The following LPIN1 variants were observed in gnomAD, a reference collection of about 807,000 sequenced individuals.
LPIN1 encodes lipin 1, also known as phosphatidate phosphatase LPIN1.
Under a neutral mutation model 107.5 loss-of-function variants are expected in LPIN1, and 71 were observed. That is an observed-to-expected ratio of 0.66 (90% CI 0.55 to 0.80). The LOEUF is 0.80. Ranked by LOEUF, LPIN1 falls within the 30% of genes least tolerant of loss-of-function variation. The pLI, the probability that LPIN1 is intolerant of heterozygous loss-of-function variation, is 0.00. For synonymous variants in LPIN1, 445 were observed against 452.6 expected (o/e 0.98, Z 0.21); for missense variants, 1,043 against 1,160.6 (o/e 0.90, Z 1.47).
intron 1 of LPIN1, among the ~76,000 whole-genome samples, chr2:11,751,870 C>T (rs954463539): frequency 6.6e-6 from 1 of 152,026 alleles, no homozygotes; most frequent in Non-Finnish European, 1.5e-5. Flanking sequence ...ACAAAACAAA[C>T]AAACAAAAAA....
intron 1 of LPIN1, chr2:11,713,717 C>A: frequency 1.6e-6 from 2 of 1,251,190 alleles, no homozygotes; most frequent in Non-Finnish European, 2.2e-6. Context: ...AATTCCAGAA[C>A]ATTTCTATTA....
rs967261634 is a variant in LPIN1 at position 11,826,409 on chromosome 2, T to G, written c.*1618T>G. Reference sequence around the variant, plus strand: ...ACGGATGTGCATGTGCAGATTCCCTTTTGCAGGTATTAAAAATAATTAAAA... The same window carrying G: ...ACGGATGTGCATGTGCAGATTCCCTGTTGCAGGTATTAAAAATAATTAAAA... On this transcript the variant is annotated 3_prime_UTR_variant, in exon 21 of 21. Transcript: ENST00000674199. 3.3e-5 allele frequency: 5 copies of G among 152,178 alleles called. No homozygotes were observed. The highest frequency in any genetic ancestry group is 7.4e-5 in the Non-Finnish European group (5 of 68,016). 9.4% of individuals were successfully genotyped at this position (152,178 alleles called of 1,614,324 possible).
At chr2:11,810,497 G>C (rs997790284) in intron 17 of LPIN1, among the ~76,000 whole-genome samples, 2 of 152,198 alleles carry the variant, frequency 1.3e-5, no homozygotes, top group Non-Finnish European at 2.9e-5. Context: ...CAGGAGCCAG[G>C]TTGCAGAGCG....
At chr2:11,804,392 C>A (rs1233224091) in intron 15 of LPIN1, 31 bp from the exon 16 acceptor site, 1 of 1,613,598 alleles carries the variant, frequency 6.2e-7, no homozygotes, top group Non-Finnish European at 8.5e-7. Flanking sequence ...TTCCCTCAAG[C>A]AGACAAATAC....
Position 11,778,582 on chromosome 2 carries a change from G to A in LPIN1, c.831-937G>A, listed in dbSNP as rs564964302. ...GTTTCCGAAGAATAGATAAGGTCTGGGAAAGAAGACGGCAAGGGAAACTGA... is the reference window on the plus strand; with the variant it reads ...GTTTCCGAAGAATAGATAAGGTCTGAGAAAGAAGACGGCAAGGGAAACTGA... On this transcript the variant is annotated intron_variant, in intron 6 of 20. Coordinates refer to ENST00000674199, the MANE Select transcript of LPIN1 (RefSeq NM_001349206.2). Among the ~76,000 whole-genome samples, 133 of 152,284 alleles carry A rather than the reference G, an allele frequency of 8.7e-4. 4 individuals carry two copies. The South Asian group carries it at 0.025, about 29-fold the overall frequency.
At chr2:11,744,650 A>C (rs572365984), upstream of LPIN1, among the ~76,000 whole-genome samples, 1 of 152,278 alleles carries the variant, frequency 6.6e-6, no homozygotes, top group Non-Finnish European at 1.5e-5. Context: ...GACTTATTTT[A>C]CACAAAAAAT....
At chr2:11,686,758 C>T (rs1662026111) in intron 1 of LPIN1, among the ~76,000 whole-genome samples, 1 of 152,088 alleles carries the variant, frequency 6.6e-6, no homozygotes, top group African/African-American at 2.4e-5. Flanking sequence ...CCCATGAATA[C>T]GCCCCTCACA....
Position 11,768,792 on chromosome 2 carries a change from T to C in LPIN1, c.288+934T>C, listed in dbSNP as rs908172723. Among the ~76,000 whole-genome samples the C allele has an allele frequency of 9.2e-5, 14 of 152,024 alleles. 1 individual carries two copies. Among genetic ancestry groups the C allele is most frequent in the Admixed American group, 8.5e-4 (13 of 15,270 alleles). On this transcript the variant is annotated intron_variant, in intron 3 of 20. Coordinates refer to ENST00000674199, the MANE Select transcript of LPIN1 (RefSeq NM_001349206.2). ...CCTACTAAAAATACAAAAAATTAGCTGGGCGTGGTGGCGGGTGCCTGTAGT... is the reference window on the plus strand; with the variant it reads ...CCTACTAAAAATACAAAAAATTAGCCGGGCGTGGTGGCGGGTGCCTGTAGT...
At chr2:11,698,671 C>T (rs1446433577) in intron 1 of LPIN1, among the ~76,000 whole-genome samples, 1 of 152,244 alleles carries the variant, frequency 6.6e-6, no homozygotes, top group Non-Finnish European at 1.5e-5. Context: ...CTGCTGGGCA[C>T]TTCTATTTAA....
rs1301044885 is a variant in LPIN1, at chr2:11,692,463, G to T, written c.81+14735G>T. ...TCCTGGGAGCTTTGCAATGTTCCGG[G>T]TTCTACCCCTGTTGATGTTGACTCA... On this transcript the variant is annotated intron_variant, in intron 1 of 21. Transcript: ENST00000449576. Among the ~76,000 whole-genome samples, 3 of 152,226 alleles carry T rather than the reference G, an allele frequency of 2.0e-5. No homozygotes were observed. The East Asian group carries it at 5.8e-4, about 29-fold the overall frequency.
In LPIN1 at chr2:11,824,832, T is replaced by C. The variant is rs2148745172; in HGVS notation, c.*41T>C. 6.2e-7 allele frequency: 1 copy of C among 1,612,526 alleles called. No homozygotes were observed. Among genetic ancestry groups the C allele is most frequent in the East Asian group, 2.2e-5 (1 of 44,880 alleles). The stretch of plus-strand genomic sequence containing the variant: ...CTCTTGCCAGCAGTGCAGAGCCTGG[T>C]TGTCACCCATTAAAGGATAGGTCTC... On this transcript the variant is annotated 3_prime_UTR_variant, in exon 21 of 21. Coordinates refer to ENST00000674199, the MANE Select transcript of LPIN1 (RefSeq NM_001349206.2).
intron 1 of LPIN1, among the ~76,000 whole-genome samples, chr2:11,679,999 T>C (rs901116672): frequency 6.6e-6 from 1 of 152,106 alleles, no homozygotes; most frequent in Admixed American, 6.5e-5. Context: ...GGGGACTGAG[T>C]CTGGGACTAG....
At chr2:11,779,742 C>T (rs1032682774) in intron 7 of LPIN1, 97 bp downstream of exon 7, 1 of 1,541,902 alleles carries the variant, frequency 6.5e-7, no homozygotes, top group Non-Finnish European at 8.9e-7. Context: ...AACACAGCTA[C>T]CAGGAGCCAG....
At chr2:11,767,164 C>T (rs906172666) in intron 2 of LPIN1, among the ~76,000 whole-genome samples, 1 of 152,174 alleles carries the variant, frequency 6.6e-6, no homozygotes, top group African/African-American at 2.4e-5. Context: ...TTCATGCCCC[C>T]ACCTAATGTG....
At chr2:11,763,748 G>A (rs757954973) in intron 1 of LPIN1, among the ~76,000 whole-genome samples, 4 of 151,794 alleles carry the variant, frequency 2.6e-5, no homozygotes, top group Non-Finnish European at 5.9e-5. Flanking sequence ...CTGTGTTCTG[G>A]GTGCAGCTCC....
Position 11,677,609 on chromosome 2 carries a change from G to C in LPIN1, c.-39G>C, listed in dbSNP as rs753744145. The C allele has an allele frequency of 2.8e-6, 4 of 1,446,020 alleles. No individual in the cohort carries two copies. The South Asian group carries it at 4.9e-5, about 18-fold the overall frequency. The allele number at this position is 1,446,020 out of a possible 1,614,324, so 89.6% of individuals were successfully genotyped here. A position where few individuals can be genotyped will look rare whatever the true frequency, so the allele number is the denominator to read the frequency against. ...TGCCGGGGGACATTTCTCTCCTGAT[G>C]CTGGGTGAGGAGGCAGACAGCACCA... On this transcript the variant is annotated 5_prime_UTR_variant, in exon 1 of 22. Transcript: ENST00000449576.
At position 11,699,141 on chromosome 2, in the gene LPIN1, A is replaced by G. The variant is rs143871867; in HGVS notation, c.82-14615A>G. ...CAGCTATTGTTAGTGCATTTTATGT[A>G]TGGCCCAAGACAATTCTTCTTCCAA... On this transcript the variant is annotated intron_variant, in intron 1 of 21. Coordinates refer to the LPIN1 transcript ENST00000449576. Among the ~76,000 whole-genome samples the G allele has an allele frequency of 5.3e-3, 809 of 152,340 alleles. 4 individuals carry two copies. Among genetic ancestry groups the G allele is most frequent in the African/African-American group, 0.018 (767 of 41,578 alleles).
intron 1 of LPIN1, among the ~76,000 whole-genome samples, chr2:11,731,562 G>T (rs935723501): frequency 9.2e-5 from 14 of 152,138 alleles, no homozygotes; most frequent in African/African-American, 3.4e-4. Context: ...TATAGTAGAA[G>T]GATTTATAAT....
At chr2:11,739,581 G>A (rs117804547) in intron 1 of LPIN1, among the ~76,000 whole-genome samples, 1 of 152,306 alleles carries the variant, frequency 6.6e-6, no homozygotes, top group East Asian at 1.9e-4. Context: ...CCGTAACAAT[G>A]TTGAACATCA....
Sources: allele counts gnomAD v4.1 joint callset (sites outside exome capture counted in the v4.1 genomes callset), GRCh38; gene constraint gnomAD v4.1.1; transcripts MANE v1.5; gene names NCBI Gene and HGNC (gene_info 2026-07-23, HGNC 2026-07-21).